SEC24D: variants seen among roughly 807,000 people sequenced by gnomAD.
The protein encoded by SEC24D is SEC24 homolog D, COPII component.
In SEC24D, 69 loss-of-function variants were observed where a neutral mutation model predicts 116.9. The observed-to-expected ratio is 0.59, with a 90% CI of 0.49 to 0.72. The LOEUF (loss-of-function observed/expected upper bound fraction) is 0.72. Among genes scored for constraint, SEC24D ranks in the 30% least tolerant of loss-of-function variants. SEC24D has a pLI of 0.00. For missense variants in SEC24D, 1,131 were observed against 1,264.1 expected (o/e 0.89, Z 1.60); for synonymous variants, 405 against 442.8 (o/e 0.91, Z 1.07).
At chr4:118,737,191 G>C (rs1161643308) in intron 19 of SEC24D, among the ~76,000 whole-genome samples, 1 of 152,214 alleles carries the variant, frequency 6.6e-6, no homozygotes, top group Non-Finnish European at 1.5e-5. Context: ...GGTGGGCTTT[G>C]TGTAACCTGA....
At chr4:118,810,541 C>T (rs1440741307) in intron 6 of SEC24D, among the ~76,000 whole-genome samples, 8 of 152,076 alleles carry the variant, frequency 5.3e-5, no homozygotes, top group Admixed American at 1.3e-4. Flanking sequence ...TTCAAAGCCA[C>T]GAAAATAGAT....
chr4:118,812,041 G>A (rs1278285057), intron 6 of SEC24D, among the ~76,000 whole-genome samples: 1 of 152,096 alleles, frequency 6.6e-6, no homozygotes, highest in Admixed American at 6.5e-5. Context: ...GTAGCGATGT[G>A]CCAGTTCCAA....
intron 3 of SEC24D, among the ~76,000 whole-genome samples, chr4:118,820,350 T>G (rs956235401): frequency 6.6e-6 from 1 of 151,986 alleles, no homozygotes; most frequent in African/African-American, 2.4e-5. Flanking sequence ...CCAGCTAATT[T>G]TTGTATTTTT....
chr4:118,831,218 C>T (rs777856543), intron 2 of SEC24D, among the ~76,000 whole-genome samples: 3 of 151,948 alleles, frequency 2.0e-5, no homozygotes, highest in East Asian at 1.9e-4. Flanking sequence ...TAGTAGAGAC[C>T]GGGATTCACC....
intron 21 of SEC24D, chr4:118,731,089 T>C (rs926046437): frequency 9.8e-6 from 5 of 511,676 alleles, no homozygotes; most frequent in Non-Finnish European, 1.8e-5. Context: ...CTGGAAGTGT[T>C]AGCATTTTCT....
intron 8 of SEC24D, among the ~76,000 whole-genome samples, chr4:118,789,486 TTTTTCCCCCAC>T (rs796492996): frequency 1.2e-4 from 18 of 152,352 alleles, no homozygotes; most frequent in African/African-American, 3.4e-4. Context: ...CATCCATTCC[TTTTTCCCCCAC>T]AATGGTACCC....
At chr4:118,786,562 C>A (rs188033079) in intron 8 of SEC24D, among the ~76,000 whole-genome samples, 370 of 152,268 alleles carry the variant, frequency 2.4e-3, no homozygotes, top group Admixed American at 4.4e-3. Context: ...ATTCTAAAAT[C>A]CCTTCAATTC....
intron 10 of SEC24D, among the ~76,000 whole-genome samples, chr4:118,759,851 C>A (rs1010707060): frequency 6.6e-6 from 1 of 152,164 alleles, no homozygotes; most frequent in Non-Finnish European, 1.5e-5. Context: ...ATCATGATTC[C>A]TTTTGAGCTC....
intron 22 of SEC24D, 51 bp downstream of exon 22, chr4:118,728,510 A>T: frequency 8.8e-7 from 1 of 1,134,724 alleles, no homozygotes; most frequent in Non-Finnish European, 1.3e-6. Context: ...TTAAGTCTTT[A>T]ATGAAATTTT....
chr4:118,771,043 C>T (rs1441066051), intron 8 of SEC24D, among the ~76,000 whole-genome samples: 1 of 152,130 alleles, frequency 6.6e-6, no homozygotes, highest in Non-Finnish European at 1.5e-5. Context: ...CTCTCTCAGG[C>T]CATGTTGAAA....
At chr4:118,804,085 C>T (rs909975800) in intron 7 of SEC24D, among the ~76,000 whole-genome samples, 1 of 152,038 alleles carries the variant, frequency 6.6e-6, no homozygotes, top group African/African-American at 2.4e-5. Context: ...AGAGACCTAT[C>T]TAAACCACAA....
intron 6 of SEC24D, among the ~76,000 whole-genome samples, chr4:118,809,985 ATGCTTGGCC>A (rs1420612817): frequency 6.6e-6 from 1 of 152,056 alleles, no homozygotes; most frequent in Non-Finnish European, 1.5e-5. Context: ...AGGCAGGACC[ATGCTTGGCC>A]TGCCAAGGAA....
chr4:118,770,343 A>C (rs1200725402), intron 8 of SEC24D, among the ~76,000 whole-genome samples: 2 of 152,222 alleles, frequency 1.3e-5, no homozygotes, highest in Non-Finnish European at 2.9e-5. Context: ...AGGTACAAAA[A>C]AAAGAGATTC....
chr4:118,817,129 T>C (rs1399974993), intron 4 of SEC24D, 135 bp downstream of exon 4: 1 of 696,258 alleles, frequency 1.4e-6, no homozygotes, highest in African/African-American at 1.8e-5. Context: ...AGATGCTTTA[T>C]TATTAAAAAT....
chr4:118,761,943 C>G (rs1727399655), intron 10 of SEC24D, among the ~76,000 whole-genome samples: 1 of 152,140 alleles, frequency 6.6e-6, no homozygotes. Flanking sequence ...ATAGACATTT[C>G]TTATCAGGTC....
intron 7 of SEC24D, among the ~76,000 whole-genome samples, chr4:118,803,689 T>C (rs998094904): frequency 2.6e-5 from 4 of 152,342 alleles, no homozygotes; most frequent in Admixed American, 1.3e-4. Context: ...ACACAGGCAC[T>C]TGCATCAGAA....
At chr4:118,741,245 A>G (rs547091680) in intron 15 of SEC24D, among the ~76,000 whole-genome samples, 24 of 152,252 alleles carry the variant, frequency 1.6e-4, no homozygotes, top group South Asian at 1.0e-3. Context: ...CTCATCTATT[A>G]TTTTCTTTCA....
At chr4:118,829,310 C>T (rs576672120) in intron 2 of SEC24D, among the ~76,000 whole-genome samples, 5 of 152,066 alleles carry the variant, frequency 3.3e-5, no homozygotes, top group Admixed American at 2.0e-4. Context: ...GCCAGGAGAT[C>T]GAGACAGAAC....
chr4:118,815,652 G>T lies in SEC24D; in HGVS notation c.472C>A (p.Pro158Thr). Reference sequence around the variant, plus strand: ...GGCTGCAAAATGGAAGGCTGTGGAGGTCGTGGAGGAGTCTGCAATGATGTG... The same window carrying T: ...GGCTGCAAAATGGAAGGCTGTGGAGTTCGTGGAGGAGTCTGCAATGATGTG... ...SATSLQTPPR[P>T]PQPSILQPGS... Residue 158 changes from proline (P) to threonine (T), a missense_variant, in exon 5 of 23, where the codon CCT becomes ACT. Transcript: ENST00000280551. 2 of 1,614,144 alleles carry T rather than the reference G, an allele frequency of 1.2e-6. No individual in the cohort carries two copies. The highest frequency in any genetic ancestry group is 1.7e-6 in the Non-Finnish European group (2 of 1,180,006).
Sources: gnomAD v4.1 joint callset for allele counts (sites outside exome capture counted in the v4.1 genomes callset) on GRCh38, gnomAD v4.1.1 for gene constraint, MANE v1.5 for transcripts, NCBI Gene and HGNC (gene_info 2026-07-23, HGNC 2026-07-21) for gene names.